PLCB1: variants seen among roughly 807,000 people sequenced by gnomAD.
PLCB1 encodes the protein 1-phosphatidylinositol 4,5-bisphosphate phosphodiesterase beta-1.
A neutral mutation model predicts 161.8 loss-of-function variants in PLCB1; 46 were observed. That is an observed-to-expected ratio of 0.28 (90% CI 0.22 to 0.36). PLCB1 has a LOEUF of 0.36. Ranked by LOEUF, PLCB1 falls within the 10% of genes least tolerant of loss-of-function variation. The probability of loss-of-function intolerance (pLI) is 1.00; values close to 1 mark genes in which losing one functional copy is unlikely to be tolerated. For missense variants in PLCB1, 1,016 were observed against 1,472.5 expected (o/e 0.69, Z 5.07); for synonymous variants, 517 against 503.7 (o/e 1.03, Z -0.35).
chr20:8,659,361 A>G (rs1231832627), intron 9 of PLCB1, among the ~76,000 whole-genome samples: 3 of 152,152 alleles, frequency 2.0e-5, no homozygotes, highest in Non-Finnish European at 2.9e-5. Context: ...ATTTTCAACT[A>G]TATGTGGCAG....
intron 16 of PLCB1, 29 bp downstream of exon 16, chr20:8,724,781 T>A (rs1195512033): frequency 8.8e-7 from 1 of 1,140,140 alleles, no homozygotes; most frequent in Non-Finnish European, 1.3e-6. Flanking sequence ...AAAACCCCTC[T>A]TGCAGCATAT....
intron 2 of PLCB1, among the ~76,000 whole-genome samples, chr20:8,281,240 G>T (rs1982861043): frequency 6.6e-6 from 1 of 152,120 alleles, no homozygotes; most frequent in Non-Finnish European, 1.5e-5. Flanking sequence ...TGGCAAATAG[G>T]TGTGTTTTGG....
chr20:8,415,722 T>C (rs1029702985), intron 3 of PLCB1, among the ~76,000 whole-genome samples: 1 of 152,196 alleles, frequency 6.6e-6, no homozygotes, highest in African/African-American at 2.4e-5. Flanking sequence ...ATGGTGGACA[T>C]GGTGTAGGAC....
chr20:8,678,818 A>G (rs987660123), intron 9 of PLCB1, among the ~76,000 whole-genome samples: 1 of 152,204 alleles, frequency 6.6e-6, no homozygotes, highest in African/African-American at 2.4e-5. Context: ...CTGGATCAAA[A>G]TGAATTGCTT....
intron 2 of PLCB1, among the ~76,000 whole-genome samples, chr20:8,332,994 A>G (rs1178547396): frequency 2.6e-5 from 4 of 152,180 alleles, no homozygotes; most frequent in Admixed American, 2.0e-4. Context: ...TTTTCATGGC[A>G]TAGGGTAATT....
intron 2 of PLCB1, among the ~76,000 whole-genome samples, chr20:8,156,568 C>A (rs1311374666): frequency 6.6e-6 from 1 of 152,140 alleles, no homozygotes; most frequent in Non-Finnish European, 1.5e-5. Flanking sequence ...TAAGTGAACA[C>A]TTTTATTTGA....
At chr20:8,375,805 G>T (rs555839147) in intron 3 of PLCB1, among the ~76,000 whole-genome samples, 1 of 152,032 alleles carries the variant, frequency 6.6e-6, no homozygotes, top group Non-Finnish European at 1.5e-5. Context: ...TGTAAGTTCC[G>T]TTAGCCCTTG....
intron 10 of PLCB1, among the ~76,000 whole-genome samples, chr20:8,693,242 T>A (rs73080020): frequency 0.075 from 11,493 of 152,240 alleles, 526 homozygotes; most frequent in African/African-American, 0.12. Context: ...GTGAAGCTCC[T>A]ATAATCAGTA....
At chr20:8,633,573 A>G (rs995032431) in intron 4 of PLCB1, among the ~76,000 whole-genome samples, 8 of 152,188 alleles carry the variant, frequency 5.3e-5, no homozygotes, top group African/African-American at 1.7e-4. Flanking sequence ...ACAGTCCAAC[A>G]TAAAAAGAAT....
chr20:8,170,723 C>T (rs1310549997), intron 2 of PLCB1, among the ~76,000 whole-genome samples: 1 of 152,030 alleles, frequency 6.6e-6, no homozygotes, highest in Admixed American at 6.6e-5. Context: ...AAGACTGAGC[C>T]TAGGAAGAAA....
chr20:8,176,989 TATA>T (rs2051790231), intron 2 of PLCB1, among the ~76,000 whole-genome samples: 1 of 152,164 alleles, frequency 6.6e-6, no homozygotes, highest in Non-Finnish European at 1.5e-5. Flanking sequence ...TAATCAGTAG[TATA>T]ATATTATGTT....
chr20:8,539,616 T>TTTTTTC (rs879723833), intron 3 of PLCB1, among the ~76,000 whole-genome samples: 40 of 97,294 alleles, frequency 4.1e-4, no homozygotes, highest in African/African-American at 1.6e-3. Flanking sequence ...CTTTTCTTTA[T>TTTTTTC]TTTCTTTCTT....
chr20:8,343,853 T>A (rs1985900671), intron 2 of PLCB1, among the ~76,000 whole-genome samples: 1 of 152,196 alleles, frequency 6.6e-6, no homozygotes, highest in Non-Finnish European at 1.5e-5. Flanking sequence ...TAGAGTGATG[T>A]GTGCAAACTT....
intron 3 of PLCB1, among the ~76,000 whole-genome samples, chr20:8,502,338 G>T (rs1043995063): frequency 1.3e-4 from 20 of 151,954 alleles, no homozygotes; most frequent in African/African-American, 4.8e-4. Context: ...GATAAAGGTG[G>T]TATTAATAGC....
chr20:8,263,115 C>CCT (rs1210354973), intron 2 of PLCB1, among the ~76,000 whole-genome samples: 1 of 152,164 alleles, frequency 6.6e-6, no homozygotes, highest in Non-Finnish European at 1.5e-5. Context: ...ACTTACTTAA[C>CCT]CTCTCTAAGC....
intron 2 of PLCB1, among the ~76,000 whole-genome samples, chr20:8,182,898 A>G (rs775526330): frequency 7.9e-5 from 12 of 152,076 alleles, no homozygotes; most frequent in Non-Finnish European, 1.3e-4. Context: ...TGATTATCTT[A>G]TTTGCAGCCA....
intron 3 of PLCB1, among the ~76,000 whole-genome samples, chr20:8,425,229 A>G (rs978579409): frequency 1.3e-5 from 2 of 151,902 alleles, no homozygotes; most frequent in Admixed American, 1.3e-4. Flanking sequence ...GTGAAGTTAC[A>G]AAGTTGCCAA....
chr20:8,601,040 A>T lies in PLCB1; in HGVS notation c.247-27254A>T, dbSNP rs553094282. Among the ~76,000 whole-genome samples the T allele has an allele frequency of 1.2e-4, 19 of 152,258 alleles. 1 individual carries two copies. The East Asian group carries it at 3.7e-3, about 30-fold the overall frequency. ...AGATGAACCCGGTACCTCAGATGGA[A>T]ATGCAGAAATCACCCGTCTTCTGCG... On this transcript the variant is annotated intron_variant, in intron 3 of 31. Coordinates refer to ENST00000338037, the MANE Select transcript of PLCB1 (RefSeq NM_015192.4).
At chr20:8,482,595 A>G (rs1982551690) in intron 3 of PLCB1, among the ~76,000 whole-genome samples, 2 of 152,220 alleles carry the variant, frequency 1.3e-5, no homozygotes, top group Admixed American at 1.3e-4. Flanking sequence ...AAAATTATTT[A>G]ATTTTCCAGT....
Sources: allele counts gnomAD v4.1 joint callset (sites outside exome capture counted in the v4.1 genomes callset), GRCh38; gene constraint gnomAD v4.1.1; transcripts MANE v1.5; gene names NCBI Gene and HGNC (gene_info 2026-07-23, HGNC 2026-07-21).